The following RFC1 variants were observed in gnomAD, a reference collection of about 807,000 sequenced individuals.
RFC1 encodes the protein replication factor C subunit 1.
A neutral mutation model predicts 137.4 loss-of-function variants in RFC1; 37 were observed. That is an observed-to-expected ratio of 0.27 (90% CI 0.21 to 0.35). The LOEUF (loss-of-function observed/expected upper bound fraction) is 0.35. Among genes scored for constraint, RFC1 ranks in the 10% least tolerant of loss-of-function variants. The pLI is 1.00. For missense variants in RFC1, 1,205 were observed against 1,358.5 expected, an observed-to-expected ratio of 0.89 and a Z score of 1.78; for synonymous variants, 429 against 455.7, an observed-to-expected ratio of 0.94 and a Z score of 0.75.
At chr4:39,313,052 G>A in intron 10 of RFC1, 121 bp from the exon 11 acceptor site, 1 of 827,248 alleles carries the variant, frequency 1.2e-6, no homozygotes, top group Non-Finnish European at 1.8e-6. Flanking sequence ...ACCTTGGCAT[G>A]GAAAGTTTGC....
At chr4:39,334,484 G>A (rs1740257767) in intron 4 of RFC1, among the ~76,000 whole-genome samples, 1 of 152,160 alleles carries the variant, frequency 6.6e-6, no homozygotes, top group Admixed American at 6.6e-5. Context: ...TTGCTGTGAG[G>A]ATCCTCATGT....
intron 10 of RFC1, among the ~76,000 whole-genome samples, chr4:39,314,600 A>G (rs953697577): frequency 7.2e-5 from 11 of 151,730 alleles, no homozygotes; most frequent in African/African-American, 1.7e-4. Flanking sequence ...AGTCCTCTCA[A>G]GCAGAACTTG....
intron 13 of RFC1, among the ~76,000 whole-genome samples, chr4:39,307,714 TCAAAA>T (rs1342256044): frequency 7.4e-6 from 1 of 135,930 alleles, no homozygotes; most frequent in Non-Finnish European, 1.6e-5. Context: ...AGACTCTGTC[TCAAAA>T]CAAAACAAAA....
chr4:39,290,779 C>A (rs1737630585), intron 23 of RFC1, among the ~76,000 whole-genome samples: 1 of 151,342 alleles, frequency 6.6e-6, no homozygotes, highest in Non-Finnish European at 1.5e-5. Flanking sequence ...CGCACCACTG[C>A]CCTTCAGCCT....
chr4:39,326,457 CTT>C (rs1414256885), intron 6 of RFC1, 104 bp downstream of exon 6: 2 of 740,926 alleles, frequency 2.7e-6, no homozygotes, highest in Non-Finnish European at 4.4e-6. Context: ...TAGATTTTAA[CTT>C]ATTTTACATG....
At chr4:39,358,878 A>G (rs565707350) in intron 1 of RFC1, among the ~76,000 whole-genome samples, 1 of 152,116 alleles carries the variant, frequency 6.6e-6, no homozygotes, top group Non-Finnish European at 1.5e-5. Context: ...CCCCAGTACC[A>G]CTTATGTACA....
At chr4:39,334,959 G>A in intron 4 of RFC1, among the ~76,000 whole-genome samples, 1 of 152,054 alleles carries the variant, frequency 6.6e-6, no homozygotes, top group East Asian at 1.9e-4. Context: ...AAAAATGTGG[G>A]GGTCCATATA....
In RFC1 at chr4:39,317,282, G is replaced by A. The variant is rs573130096; in HGVS notation, c.1096-260C>T. ...ATTATGGGAATAAGCCAAGTTGCCAGCTCCAAGCAAAGAAATGCAAAAAGT... is the reference window on the plus strand; with the variant it reads ...ATTATGGGAATAAGCCAAGTTGCCAACTCCAAGCAAAGAAATGCAAAAAGT... On this transcript the variant is annotated intron_variant, in intron 9 of 24. Transcript: ENST00000349703. 7.2e-5 allele frequency among the ~76,000 whole-genome samples: 11 copies of A among 152,226 alleles called. No homozygotes were observed. The South Asian group carries it at 2.3e-3, about 32-fold the overall frequency.
At chr4:39,330,482 T>C (rs1159377112) in intron 4 of RFC1, among the ~76,000 whole-genome samples, 1 of 152,016 alleles carries the variant, frequency 6.6e-6, no homozygotes, top group Non-Finnish European at 1.5e-5. Context: ...CACCCCTCCC[T>C]CCAAGGGCCT....
At chr4:39,312,140 C>G (rs900296688) in intron 11 of RFC1, among the ~76,000 whole-genome samples, 7 of 152,204 alleles carry the variant, frequency 4.6e-5, no homozygotes, top group African/African-American at 1.7e-4. Context: ...TGCCACTGTT[C>G]CCTTTTCCTG....
intron 3 of RFC1, among the ~76,000 whole-genome samples, chr4:39,343,877 C>T (rs1163918425): frequency 6.6e-6 from 1 of 151,964 alleles, no homozygotes. Flanking sequence ...TTTGGGAGGC[C>T]GAGGCAGGCA....
At chr4:39,336,322 G>GA (rs1392666981) in intron 4 of RFC1, among the ~76,000 whole-genome samples, 1 of 6,810 alleles carries the variant, frequency 1.5e-4, no homozygotes, top group Non-Finnish European at 0.012. Flanking sequence ...GAGAAAGGCA[G>GA]ATCCACACCA....
chr4:39,304,894 C>T lies in RFC1; in HGVS notation c.2030G>A (p.Ser677Asn), dbSNP rs1738559530. 6.2e-7 allele frequency: 1 copy of T among 1,613,220 alleles called. No individual in the cohort carries two copies. Among genetic ancestry groups the T allele is most frequent in the Non-Finnish European group, 8.5e-7 (1 of 1,179,178 alleles). Reference protein sequence around the residue: ...LGYSYVELNASDTRSKSSLKA... With the variant: ...LGYSYVELNANDTRSKSSLKA... ...CAAACTGCTCTTACTCCGGGTGTCA[C>T]TTGCATTCAGTTCCACGTAGCTGTA... Residue 677 changes from serine (S) to asparagine (N), a missense_variant, in exon 15 of 25, where the codon AGT becomes AAT. Transcript: ENST00000349703.
Position 39,300,083 on chromosome 4 carries a change from C to A in RFC1, c.2746G>T (p.Asp916Tyr), listed in dbSNP as rs1187786692. Residue 916 changes from aspartate to tyrosine, a missense_variant, in exon 21 of 25, where the codon GAT becomes TAT. Asp to Tyr is a radical substitution (Grantham distance 160). Coordinates refer to ENST00000349703, the MANE Select transcript of RFC1 (RefSeq NM_002913.5). ...ATCTGGCTGTCCACTAGGTCACCAT[C>A]GCATATGCTGTCTGCTGCTCTGCTT... ...LLSRAADSIC[D>Y]GDLVDSQIRS... is the part of the protein sequence containing the mutation. 6.2e-7 allele frequency: 1 copy of A among 1,614,198 alleles called. No homozygotes were observed. Among genetic ancestry groups the A allele is most frequent in the South Asian group, 1.1e-5 (1 of 91,082 alleles).
chr4:39,292,682 C>T (rs1402774508), intron 22 of RFC1, among the ~76,000 whole-genome samples: 1 of 151,630 alleles, frequency 6.6e-6, no homozygotes, highest in African/African-American at 2.4e-5. Context: ...ACTCTTGTTG[C>T]CCAGGCTGGT....
In RFC1 at chr4:39,291,870, G is replaced by A. The variant is rs937291455; in HGVS notation, c.2955-18C>T. 6.3e-7 allele frequency: 1 copy of A among 1,588,776 alleles called. No individual in the cohort carries two copies. Among genetic ancestry groups the A allele is most frequent in the Non-Finnish European group, 8.6e-7 (1 of 1,156,938 alleles). The stretch of plus-strand genomic sequence containing the variant: ...AGTAAGTTCTGAAACCACAACAAAA[G>A]AGACATAGTCAACAGCAAAGTATCA... On this transcript the variant is annotated intron_variant, in intron 22 of 24. Coordinates refer to ENST00000349703, the MANE Select transcript of RFC1 (RefSeq NM_002913.5).
intron 12 of RFC1, among the ~76,000 whole-genome samples, chr4:39,309,718 G>A (rs756039035): frequency 6.6e-6 from 1 of 152,170 alleles, no homozygotes; most frequent in Non-Finnish European, 1.5e-5. Flanking sequence ...TCAGGGTGAG[G>A]AAAATGTTCT....
Position 39,300,083 on chromosome 4 carries a change from C to T in RFC1, c.2746G>A (p.Asp916Asn). 1 of 1,614,198 alleles carries T rather than the reference C, an allele frequency of 6.2e-7. No individual in the cohort carries two copies. The highest frequency in any genetic ancestry group is 8.5e-7 in the Non-Finnish European group (1 of 1,180,026). Residue 916 changes from aspartate to asparagine, a missense_variant, in exon 21 of 25, where the codon GAT (aspartate) becomes AAT (asparagine). Asp to Asn is a conservative substitution (Grantham distance 23). Around this residue, in one of 3 missense-constraint regions of RFC1, gnomAD observed 237 missense variants for 304.2 expected, o/e 0.78. Transcript: ENST00000349703. Reference protein sequence around the residue: ...LLSRAADSICDGDLVDSQIRS... With the variant: ...LLSRAADSICNGDLVDSQIRS... ...ATCTGGCTGTCCACTAGGTCACCAT[C>T]GCATATGCTGTCTGCTGCTCTGCTT...
intron 3 of RFC1, among the ~76,000 whole-genome samples, chr4:39,344,548 G>A (rs1255178634): frequency 1.3e-5 from 2 of 152,188 alleles, no homozygotes; most frequent in African/African-American, 4.8e-5. Flanking sequence ...AATTGTTTGA[G>A]GCCAGGAGTT....
Sources: allele counts gnomAD v4.1 joint callset (sites outside exome capture counted in the v4.1 genomes callset), GRCh38; gene constraint gnomAD v4.1.1; regional missense constraint gnomAD v4.1.1; transcripts MANE v1.5; gene names NCBI Gene and HGNC (gene_info 2026-07-23, HGNC 2026-07-21).